The following BEND5 variants were observed in gnomAD, a reference collection of about 807,000 sequenced individuals.
BEND5 encodes BEN domain containing 5, also known as BEN domain-containing protein 5.
Under a neutral mutation model 43.9 loss-of-function variants are expected in BEND5, and 22 were observed. That is an observed-to-expected ratio of 0.50 (90% CI 0.36 to 0.72). The LOEUF is 0.72. Ranked by LOEUF, BEND5 falls within the 30% of genes least tolerant of loss-of-function variation. BEND5 has a pLI of 0.00. For synonymous variants in BEND5, 228 were observed against 225.9 expected, an observed-to-expected ratio of 1.01 and a Z score of -0.08; for missense variants, 428 against 550.6, an observed-to-expected ratio of 0.78 and a Z score of 2.23.
At chr1:48,745,608 G>A (rs1486647660) in intron 3 of BEND5, among the ~76,000 whole-genome samples, 1 of 152,094 alleles carries the variant, frequency 6.6e-6, no homozygotes, top group Non-Finnish European at 1.5e-5. Flanking sequence ...CTTTTGTCCA[G>A]AACATTCTAC....
At chr1:48,760,281 C>T (rs755133287) in intron 2 of BEND5, among the ~76,000 whole-genome samples, 14 of 152,194 alleles carry the variant, frequency 9.2e-5, no homozygotes, top group Non-Finnish European at 1.6e-4. Flanking sequence ...ATGAATTCTT[C>T]ACTCAGGGCA....
At position 48,776,674 on chromosome 1, in the gene BEND5, C is replaced by T; in HGVS notation, c.158G>A (p.Ser53Asn). ...CCAGTCGCGGGGGGCGCGCGGGGGG[C>T]TCTCGGGCCCGGCGCCCAATTCCTC... ...GPEELGAGPE[S>N]PPRAPRDWGA... Residue 53 changes from serine to asparagine, a missense_variant, in exon 1 of 6, where the codon AGC (serine) becomes AAC (asparagine). Ser to Asn is a conservative substitution (Grantham distance 46, BLOSUM62 1). Around this residue, in one of 4 missense-constraint regions of BEND5, gnomAD observed 107 missense variants for 98.8 expected, o/e 1.08. Transcript: ENST00000371833. 1.3e-6 allele frequency: 2 copies of T among 1,506,216 alleles called. No individual in the cohort carries two copies. Among genetic ancestry groups the T allele is most frequent in the East Asian group, 2.8e-5 (1 of 35,762 alleles). 93.3% of individuals were successfully genotyped at this position (1,506,216 alleles called of 1,614,324 possible).
At chr1:48,741,607 C>T (rs1428524782) in intron 4 of BEND5, among the ~76,000 whole-genome samples, 1 of 152,254 alleles carries the variant, frequency 6.6e-6, no homozygotes, top group African/African-American at 2.4e-5. Flanking sequence ...CGTTTCATTT[C>T]CTCAGCTTGA....
At chr1:48,735,509 GGGAAGAAAGGAA>G (rs1648891447) in intron 5 of BEND5, among the ~76,000 whole-genome samples, 1 of 149,990 alleles carries the variant, frequency 6.7e-6, no homozygotes, top group East Asian at 2.0e-4. Flanking sequence ...GAAGGAAGGA[GGGAAGAAAGGAA>G]GGAAGTAAGG....
rs113523851 is a variant in BEND5, at chr1:48,755,306, G to A, written c.745+3594C>T. ...ACCATTCGTAGGACCCCACTACCTC[G>A]GTGAGTAAATAATGATTCTTCCAGA... On this transcript the variant is annotated intron_variant, in intron 3 of 5. Coordinates refer to ENST00000371833, the MANE Select transcript of BEND5 (RefSeq NM_024603.4). Among the ~76,000 whole-genome samples the A allele has an allele frequency of 1.5e-4, 23 of 152,240 alleles. No individual in the cohort carries two copies. In the East Asian group the frequency reaches 4.2e-3, roughly 28 times the overall value.
At chr1:48,755,100 A>T (rs1339616504) in intron 3 of BEND5, among the ~76,000 whole-genome samples, 3 of 152,232 alleles carry the variant, frequency 2.0e-5, no homozygotes, top group African/African-American at 4.8e-5. Flanking sequence ...TGTACGATTC[A>T]GTGAAGCCTC....
chr1:48,771,190 A>G (rs973796539), intron 1 of BEND5, among the ~76,000 whole-genome samples: 2 of 152,190 alleles, frequency 1.3e-5, no homozygotes, highest in Non-Finnish European at 2.9e-5. Flanking sequence ...ACCAGAGAAA[A>G]TGTCTCCAGA....
chr1:48,750,266 G>A (rs962847957), intron 3 of BEND5, among the ~76,000 whole-genome samples: 2 of 152,146 alleles, frequency 1.3e-5, no homozygotes, highest in African/African-American at 4.8e-5. Context: ...ACCTGTAGGA[G>A]GGGCTGGGGT....
At chr1:48,762,985 G>A (rs1006383815) in intron 1 of BEND5, among the ~76,000 whole-genome samples, 1 of 151,986 alleles carries the variant, frequency 6.6e-6, no homozygotes, top group Middle Eastern at 3.2e-3. Context: ...GCAACCCACC[G>A]AACAGTGCCT....
intron 5 of BEND5, among the ~76,000 whole-genome samples, chr1:48,728,611 A>G (rs1315911453): frequency 6.6e-6 from 1 of 151,494 alleles, no homozygotes; most frequent in Non-Finnish European, 1.5e-5. Context: ...TGTTTTATCC[A>G]TTTTATTGTC....
chr1:48,773,308 T>G (rs1055860581), intron 1 of BEND5, among the ~76,000 whole-genome samples: 6 of 152,006 alleles, frequency 3.9e-5, no homozygotes. Flanking sequence ...TGCAGTTAGA[T>G]GATGGTGAGC....
At chr1:48,775,080 C>T (rs1288314866) in intron 1 of BEND5, among the ~76,000 whole-genome samples, 3 of 152,188 alleles carry the variant, frequency 2.0e-5, no homozygotes, top group Non-Finnish European at 2.9e-5. Context: ...TAATTAAAGG[C>T]AAGTAAGCAA....
At position 48,736,662 on chromosome 1, in the gene BEND5, T is replaced by C. The variant is rs1028232910; in HGVS notation, c.895-210A>G. Among the ~76,000 whole-genome samples the C allele has an allele frequency of 1.8e-4, 28 of 152,198 alleles. No homozygotes were observed. The highest frequency in any genetic ancestry group is 2.4e-4 in the African/African-American group (10 of 41,444). On this transcript the variant is annotated intron_variant, in intron 4 of 5. Transcript: ENST00000371833. This position sits in a 1 kb window ranked among gnomAD's most constrained non-coding sequence, Gnocchi z 4.0. ...TTATTCTAGGGCTTTATATTTGCTA[T>C]CTTAAATCTTCATGGCAATTGTGGA...
chr1:48,776,686 G>C lies in BEND5; in HGVS notation c.146C>G (p.Ala49Gly), dbSNP rs1259370646. The change falls in exon 1 of 6, where the codon GCC becomes GGC. Residue 49 changes from alanine to glycine, a missense_variant. By Grantham distance (60) the Ala-to-Gly change is moderately conservative. Around this residue, in one of 4 missense-constraint regions of BEND5, gnomAD observed 107 missense variants for 98.8 expected, o/e 1.08. Coordinates refer to ENST00000371833, the MANE Select transcript of BEND5 (RefSeq NM_024603.4). ...GGCGCGCGGGGGGCTCTCGGGCCCG[G>C]CGCCCAATTCCTCCGGGCCCCGGTA... ...AVYRGPEELG[A>G]GPESPPRAPR... 42 of 1,514,310 alleles carry C rather than the reference G, an allele frequency of 2.8e-5. No individual in the cohort carries two copies. Among genetic ancestry groups the C allele is most frequent in the Middle Eastern group, 3.9e-4 (2 of 5,104 alleles). The allele number at this position is 1,514,310 out of a possible 1,614,324, so 93.8% of individuals were successfully genotyped here. A position where few individuals can be genotyped will look rare whatever the true frequency, so the allele number is the denominator to read the frequency against.
intron 3 of BEND5, among the ~76,000 whole-genome samples, chr1:48,757,267 TC>T (rs1320205581): frequency 6.6e-6 from 1 of 152,186 alleles, no homozygotes; most frequent in Non-Finnish European, 1.5e-5. Context: ...AAACATTTTT[TC>T]TCTCTGAAAA....
rs760625684 is a variant in BEND5, at chr1:48,736,730, C to T, written c.895-278G>A. ...CCATTTTCCTTTCAGATGGAAACAC[C>T]GGTTCAGACAGGTGAGGTGACTTGC... On this transcript the variant is annotated intron_variant, in intron 4 of 5. Coordinates refer to ENST00000371833, the MANE Select transcript of BEND5 (RefSeq NM_024603.4). This position sits in a 1 kb window ranked among gnomAD's most constrained non-coding sequence, Gnocchi z 4.0. 2.0e-5 allele frequency among the ~76,000 whole-genome samples: 3 copies of T among 152,074 alleles called. No homozygotes were observed. The highest frequency in any genetic ancestry group is 4.4e-5 in the Non-Finnish European group (3 of 68,020).
In BEND5 at chr1:48,727,839, A is replaced by G. The variant is rs1391526082; in HGVS notation, c.*47T>C. 1.3e-6 allele frequency: 2 copies of G among 1,547,630 alleles called. No individual in the cohort carries two copies. Among genetic ancestry groups the G allele is most frequent in the Non-Finnish European group, 1.8e-6 (2 of 1,129,972 alleles). On this transcript the variant is annotated 3_prime_UTR_variant, in exon 6 of 6. Transcript: ENST00000371833. ...TGGACGGCACCATCGCTCGCAAATCACATGCCACACAAGGAAAACACGAAA... is the reference window on the plus strand; with the variant it reads ...TGGACGGCACCATCGCTCGCAAATCGCATGCCACACAAGGAAAACACGAAA...
chr1:48,732,387 T>C (rs767564522), intron 5 of BEND5, among the ~76,000 whole-genome samples: 16 of 152,226 alleles, frequency 1.1e-4, no homozygotes, highest in Non-Finnish European at 2.2e-4. Flanking sequence ...TCAACAAATA[T>C]TTATTGAGCA....
At chr1:48,770,109 C>A (rs906988963) in intron 1 of BEND5, among the ~76,000 whole-genome samples, 1 of 152,166 alleles carries the variant, frequency 6.6e-6, no homozygotes. Flanking sequence ...TTATATTGCT[C>A]CCACCAATGC....
Sources: gnomAD v4.1 joint callset for allele counts (sites outside exome capture counted in the v4.1 genomes callset) on GRCh38, gnomAD v4.1.1 for gene constraint, gnomAD v4.1.1 regional missense constraint, Gnocchi (gnomAD v3.1) non-coding constraint, MANE v1.5 for transcripts, NCBI Gene and HGNC (gene_info 2026-07-23, HGNC 2026-07-21) for gene names.